Variants in RPTOR observed in about 807,000 individuals in gnomAD.
RPTOR encodes regulatory-associated protein of mTOR.
Under a neutral mutation model 169.9 loss-of-function variants are expected in RPTOR, and 21 were observed. The observed-to-expected ratio is 0.12, with a 90% CI of 0.09 to 0.18. RPTOR has a LOEUF of 0.18. RPTOR is among the 10% of genes least tolerant of loss of function. The probability of loss-of-function intolerance (pLI) is 1.00; values close to 1 mark genes in which losing one functional copy is unlikely to be tolerated. For synonymous variants in RPTOR, 732 were observed against 753.2 expected (o/e 0.97, Z 0.46); for missense variants, 1,133 against 1,855.9 (o/e 0.61, Z 7.16).
chr17:80,762,759 C>A (rs2066747892), intron 6 of RPTOR, among the ~76,000 whole-genome samples: 1 of 151,844 alleles, frequency 6.6e-6, no homozygotes, highest in Non-Finnish European at 1.5e-5. Flanking sequence ...TGAGGAGTTC[C>A]CACCAAAGGG....
chr17:80,826,167 T>G (rs1346142118), intron 9 of RPTOR, among the ~76,000 whole-genome samples: 1 of 152,106 alleles, frequency 6.6e-6, no homozygotes, highest in African/African-American at 2.4e-5. Flanking sequence ...CAAGAAAACC[T>G]TGATCCTGAA....
chr17:80,692,601 G>A (rs1351874622), intron 3 of RPTOR, among the ~76,000 whole-genome samples: 4 of 151,820 alleles, frequency 2.6e-5, no homozygotes, highest in Non-Finnish European at 4.4e-5. Context: ...GATTACAGGC[G>A]TGAGCCACCG....
Position 80,651,941 on chromosome 17 carries a change from G to A in RPTOR, c.348+8131G>A, listed in dbSNP as rs1464652956. Among the ~76,000 whole-genome samples, 1 of 152,074 alleles carries A rather than the reference G, an allele frequency of 6.6e-6. No individual in the cohort carries two copies. The highest frequency in any genetic ancestry group is 1.5e-5 in the Non-Finnish European group (1 of 68,022). On this transcript the variant is annotated intron_variant, in intron 3 of 33. Transcript: ENST00000306801. This position sits in a 1 kb window ranked among gnomAD's most constrained non-coding sequence, Gnocchi z 4.1. ...GAGAATGGCATGAACCCGGGAGGTG[G>A]AGCTTGCAGTGAGCTGAGATCACGC...
chr17:80,682,114 C>CG (rs147403359), intron 3 of RPTOR, among the ~76,000 whole-genome samples: 157 of 84,960 alleles, frequency 1.8e-3, no homozygotes, highest in South Asian at 8.4e-3. Flanking sequence ...AGGTCCCCCC[C>CG]CCCACCCCAA....
rs1287838422 is a variant in RPTOR at position 80,714,763 on chromosome 17, G to A, written c.507+6764G>A. Among the ~76,000 whole-genome samples, 10 of 152,128 alleles carry A rather than the reference G, an allele frequency of 6.6e-5. No individual in the cohort carries two copies. The South Asian group carries it at 1.2e-3, about 19-fold the overall frequency. The stretch of plus-strand genomic sequence containing the variant: ...TTGAAACGGAGTCTCTCGCTCTGTC[G>A]CCCAGGCTGGAGTGCAGTGGTGCCA... On this transcript the variant is annotated intron_variant, in intron 4 of 33. Coordinates refer to ENST00000306801, the MANE Select transcript of RPTOR (RefSeq NM_020761.3).
chr17:80,847,663 C>T (rs1018140633), intron 11 of RPTOR, among the ~76,000 whole-genome samples: 6 of 152,276 alleles, frequency 3.9e-5, no homozygotes, highest in African/African-American at 1.4e-4. Context: ...CAGGAAGAGC[C>T]CCACCTCCGG....
In RPTOR at chr17:80,708,016, G is replaced by A; in HGVS notation, c.507+17G>A. ...TTCAACAAGGTGGGTGTGCCTTCCA[G>A]CTTCCTTCCCGTTTCTGCCAAAAGC... is the stretch of plus-strand genomic sequence containing the variant. On this transcript the variant is annotated intron_variant, in intron 4 of 33. Transcript: ENST00000306801. This position sits in a 1 kb window ranked among gnomAD's most constrained non-coding sequence, Gnocchi z 4.2. The A allele has an allele frequency of 1.2e-6, 2 of 1,606,690 alleles. No homozygotes were observed. Among genetic ancestry groups the A allele is most frequent in the Non-Finnish European group, 1.7e-6 (2 of 1,176,200 alleles).
In RPTOR at chr17:80,945,767, C is replaced by T. The variant is rs2144053599; in HGVS notation, c.3126C>T (p.Asp1042=). Residue 1042 remains aspartate (D), a synonymous_variant, in exon 26 of 34, where the codon GAC becomes GAT. Transcript: ENST00000306801. ...TCACGCCGTGCATCGCCGTAGCCGA[C>T]AAGGACAGCATCTGGTATGCACCGC... ...HPFTPCIAVA[D]KDSICFWDWE... The T allele has an allele frequency of 6.2e-7, 1 of 1,609,708 alleles. No homozygotes were observed. Among genetic ancestry groups the T allele is most frequent in the Non-Finnish European group, 8.5e-7 (1 of 1,177,846 alleles).
intron 3 of RPTOR, among the ~76,000 whole-genome samples, chr17:80,669,416 C>G: frequency 6.6e-6 from 1 of 152,228 alleles, no homozygotes; most frequent in Non-Finnish European, 1.5e-5. Context: ...CGGAGTTTCA[C>G]TCTTGTCGCC....
At chr17:80,665,787 C>T (rs111634238) in intron 3 of RPTOR, among the ~76,000 whole-genome samples, 16,099 of 152,062 alleles carry the variant, frequency 0.11, 978 homozygotes, top group Middle Eastern at 0.14. Context: ...CCTCGTGATC[C>T]GCCCACTTTG....
In RPTOR at chr17:80,722,074, A is replaced by AT. The variant is rs928829004; in HGVS notation, c.508-8478dup. ...TTTAAAATATTTTATTATAAAATTC[A>AT]TTTTTTTTCAAATGGTGCAGATAAG... On this transcript the variant is annotated intron_variant, in intron 4 of 33. Coordinates refer to ENST00000306801, the MANE Select transcript of RPTOR (RefSeq NM_020761.3). Among the ~76,000 whole-genome samples, 11 of 150,764 alleles carry AT rather than the reference A, an allele frequency of 7.3e-5. No individual in the cohort carries two copies. The East Asian group carries it at 1.4e-3, about 19-fold the overall frequency.
chr17:80,846,831 C>T (rs1054800937), intron 11 of RPTOR, among the ~76,000 whole-genome samples: 2 of 152,260 alleles, frequency 1.3e-5, no homozygotes, highest in Non-Finnish European at 2.9e-5. Context: ...TTTCCCTCCT[C>T]CACCCTCAGA....
At chr17:80,822,563 C>T (rs942139010) in intron 8 of RPTOR, among the ~76,000 whole-genome samples, 1 of 152,226 alleles carries the variant, frequency 6.6e-6, no homozygotes, top group Admixed American at 6.5e-5. Flanking sequence ...GCCCTTACTG[C>T]GCACCGGCGG....
At chr17:80,956,000 A>C (rs1008215130) in intron 28 of RPTOR, among the ~76,000 whole-genome samples, 1 of 152,234 alleles carries the variant, frequency 6.6e-6, no homozygotes, top group Non-Finnish European at 1.5e-5. Context: ...ATAAATCCTC[A>C]AAGCCTAACA....
chr17:80,709,234 T>C (rs147683229), intron 4 of RPTOR: 2 of 332,736 alleles, frequency 6.0e-6, no homozygotes, highest in African/African-American at 4.5e-5. Flanking sequence ...AAACGATCGT[T>C]GTGAAGGAAG....
rs1211504627 is a variant in RPTOR at position 80,925,364 on chromosome 17, C to G, written c.2809-6C>G. On this transcript the variant is annotated splice_region_variant and splice_polypyrimidine_tract_variant and intron_variant, in intron 23 of 33. Coordinates refer to ENST00000306801, the MANE Select transcript of RPTOR (RefSeq NM_020761.3). ...TCCTTCCAACCCTCCTGCTTAAACCCTGAAGACTGCGGACGACGCGGACGA... is the reference window on the plus strand; with the variant it reads ...TCCTTCCAACCCTCCTGCTTAAACCGTGAAGACTGCGGACGACGCGGACGA... The G allele has an allele frequency of 1.2e-6, 2 of 1,612,888 alleles. No homozygotes were observed. Among genetic ancestry groups the G allele is most frequent in the African/African-American group, 1.3e-5 (1 of 74,918 alleles).
Position 80,708,971 on chromosome 17 carries a change from G to T in RPTOR, c.507+972G>T. 2 of 985,728 alleles carry T rather than the reference G, an allele frequency of 2.0e-6. No individual in the cohort carries two copies. Among genetic ancestry groups the T allele is most frequent in the Non-Finnish European group, 2.4e-6 (2 of 829,960 alleles). The allele number at this position is 985,728 out of a possible 1,614,324, so 61.1% of individuals were successfully genotyped here. ...CTCTGACTCCGTTTCTTCACACACT[G>T]AACTCTCGGTTCCCGCCTACCGTCC... On this transcript the variant is annotated intron_variant, in intron 4 of 33. Coordinates refer to ENST00000306801, the MANE Select transcript of RPTOR (RefSeq NM_020761.3). This position sits in a 1 kb window ranked among gnomAD's most constrained non-coding sequence, Gnocchi z 4.2.
At chr17:80,838,158 C>T (rs542295967) in intron 10 of RPTOR, among the ~76,000 whole-genome samples, 161 bp downstream of exon 10, 8 of 152,300 alleles carry the variant, frequency 5.3e-5, no homozygotes, top group Admixed American at 6.5e-5. Context: ...TTTAAAACAT[C>T]GAGTCAACCA....
At chr17:80,622,956 C>G (rs1204022030) in intron 1 of RPTOR, among the ~76,000 whole-genome samples, 3 of 152,090 alleles carry the variant, frequency 2.0e-5, no homozygotes, top group Non-Finnish European at 4.4e-5. Context: ...ATTTTTTTAA[C>G]TGTTAAGAGA....
Sources: allele counts gnomAD v4.1 joint callset (sites outside exome capture counted in the v4.1 genomes callset), GRCh38; gene constraint gnomAD v4.1.1; non-coding constraint Gnocchi (gnomAD v3.1); transcripts MANE v1.5; gene names NCBI Gene and HGNC (gene_info 2026-07-23, HGNC 2026-07-21).